The following BCL3 variants were observed in gnomAD, a reference collection of about 807,000 sequenced individuals.
BCL3 encodes BCL3 transcription coactivator, also known as B-cell lymphoma 3 protein.
BCL3 carries 15 observed loss-of-function variants against 35.7 expected under a neutral mutation model. The observed-to-expected ratio is 0.42, with a 90% CI of 0.28 to 0.65. BCL3 has a LOEUF of 0.65. Ranked by LOEUF, BCL3 falls within the 30% of genes least tolerant of loss-of-function variation. The probability of loss-of-function intolerance (pLI) is 0.22; values close to 1 mark genes in which losing one functional copy is unlikely to be tolerated. For synonymous variants in BCL3, 311 were observed against 284.3 expected (o/e 1.09, Z -0.95); for missense variants, 565 against 641.7 (o/e 0.88, Z 1.29).
chr19:44,755,976 A>G (rs1051421009), intron 2 of BCL3, among the ~76,000 whole-genome samples: 1 of 152,212 alleles, frequency 6.6e-6, no homozygotes, highest in Non-Finnish European at 1.5e-5. Flanking sequence ...TGGGGGACAG[A>G]CAGTAGAGCA....
chr19:44,756,227 C>T lies in BCL3; in HGVS notation c.411-5C>T, dbSNP rs770603867. ...CCTGTGATTCCTTCACTCCCCCACC[C>T]CCAGGCCTCTCCATATTGCTGTGGT... On this transcript the variant is annotated splice_region_variant and splice_polypyrimidine_tract_variant and intron_variant, in intron 2 of 8. Coordinates refer to ENST00000164227, the MANE Select transcript of BCL3 (RefSeq NM_005178.5). The T allele has an allele frequency of 6.8e-7, 1 of 1,473,108 alleles. No individual in the cohort carries two copies. Among genetic ancestry groups the T allele is most frequent in the African/African-American group, 1.4e-5 (1 of 69,840 alleles). 91.3% of individuals were successfully genotyped at this position (1,473,108 alleles called of 1,614,324 possible).
At chr19:44,756,920 A>C in intron 3 of BCL3, 97 bp from the exon 4 acceptor site, 7 of 1,143,928 alleles carry the variant, frequency 6.1e-6, no homozygotes, top group Non-Finnish European at 7.4e-6. Context: ...TTCCTGGGGA[A>C]GACTGCAGGA....
chr19:44,753,460 C>A (rs1967219818), intron 2 of BCL3, among the ~76,000 whole-genome samples: 1 of 152,222 alleles, frequency 6.6e-6, no homozygotes, highest in African/African-American at 2.4e-5. Flanking sequence ...GAAATCCCTT[C>A]CCGCAGAACT....
chr19:44,756,527 G>T (rs1361625647), intron 3 of BCL3, among the ~76,000 whole-genome samples, 187 bp downstream of exon 3: 16 of 141,544 alleles, frequency 1.1e-4, no homozygotes, highest in African/African-American at 4.7e-4. Flanking sequence ...CCTGGGATCC[G>T]GGGTCTGATG....
chr19:44,752,204 CT>C (rs914729674), intron 2 of BCL3, among the ~76,000 whole-genome samples: 155 of 138,816 alleles, frequency 1.1e-3, no homozygotes, highest in African/African-American at 2.7e-3. Context: ...TTTTCTTTTT[CT>C]TTTTTTTTTT....
Position 44,759,574 on chromosome 19 carries a change from G to C in BCL3, c.1324G>C (p.Gly442Arg). The C allele has an allele frequency of 6.2e-7, 1 of 1,610,036 alleles. No homozygotes were observed. The highest frequency in any genetic ancestry group is 8.5e-7 in the Non-Finnish European group (1 of 1,179,202). The change falls in exon 9 of 9, where the codon GGC becomes CGC. Residue 442 changes from glycine (G) to arginine (R), a missense_variant. Around this residue, in one of 5 missense-constraint regions of BCL3, gnomAD observed 151 missense variants for 138.1 expected, o/e 1.09. Transcript: ENST00000164227. ...CTTTGCTGGGGTCCTCCGAGGCCCTGGCCGGCCGGTGCCCCCCTCCCCAGC... is the reference window on the plus strand; with the variant it reads ...CTTTGCTGGGGTCCTCCGAGGCCCTCGCCGGCCGGTGCCCCCCTCCCCAGC... ...LPFAGVLRGPGRPVPPSPAPG... is the reference protein window; with the variant it reads ...LPFAGVLRGPRRPVPPSPAPG...
rs1301852162 is a variant in BCL3, at chr19:44,757,753, CACCCTAT to C, written c.891+31_891+37del. On this transcript the variant is annotated intron_variant, in intron 6 of 8. Coordinates refer to ENST00000164227, the MANE Select transcript of BCL3 (RefSeq NM_005178.5). This position sits in a 1 kb window ranked among gnomAD's most constrained non-coding sequence, Gnocchi z 8.4. Reference sequence around the variant, plus strand: ...GTACAGCCCCCCTGAGCCTCGCGCCCACCCTATCCTCTGACCCCAACCCGGCTCTGGC... The same window carrying C: ...GTACAGCCCCCCTGAGCCTCGCGCCCCCTCTGACCCCAACCCGGCTCTGGC... 6.2e-7 allele frequency: 1 copy of C among 1,606,096 alleles called. No homozygotes were observed. The highest frequency in any genetic ancestry group is 1.7e-5 in the Admixed American group (1 of 59,772).
intron 2 of BCL3, among the ~76,000 whole-genome samples, chr19:44,754,607 C>A (rs969155619): frequency 6.6e-6 from 1 of 152,124 alleles, no homozygotes; most frequent in Non-Finnish European, 1.5e-5. Flanking sequence ...CAGGCCTGGA[C>A]GGTTTCTCTG....
In BCL3 at chr19:44,748,945, G is replaced by A. The variant is rs1187065793; in HGVS notation, c.155G>A (p.Gly52Asp). 2.4e-6 allele frequency: 3 copies of A among 1,246,248 alleles called. No homozygotes were observed. Among genetic ancestry groups the A allele is most frequent in the Non-Finnish European group, 3.0e-6 (3 of 991,622 alleles). 77.2% of individuals were successfully genotyped at this position (1,246,248 alleles called of 1,614,324 possible). Residue 52 changes from glycine to aspartate, a missense_variant, in exon 1 of 9, where the codon GGC (glycine) becomes GAC (aspartate). Physicochemically the swap from Gly to Asp is moderately conservative, Grantham distance 94. This residue lies in a region of BCL3 where 267 missense variants were observed against 281.5 expected (regional missense o/e 0.95). Transcript: ENST00000164227. ...CCCGCCGCTCCCCGCGGCGCTGCGG[G>A]CCTTGTCGTCCCCCTGGACCCTCTG... The part of the protein sequence containing the change: ...PEPAAPRGAA[G>D]LVVPLDPLRG...
Position 44,759,710 on chromosome 19 carries a change from C to CG in BCL3, c.*95_*96insG, listed in dbSNP as rs960283504. The CG allele has an allele frequency of 2.4e-5, 12 of 502,142 alleles. No homozygotes were observed. The highest frequency in any genetic ancestry group is 2.2e-4 in the South Asian group (7 of 31,824). 31.1% of individuals were successfully genotyped at this position (502,142 alleles called of 1,614,324 possible). A position where few individuals can be genotyped will look rare whatever the true frequency, so the allele number is the denominator to read the frequency against. Reference sequence around the variant, plus strand: ...GAAACTGTGAAGATCTCACTCTGCCCCCCCCCCCCATCTTCGGGACCAGGA... The same window carrying CG: ...GAAACTGTGAAGATCTCACTCTGCCCGCCCCCCCCCATCTTCGGGACCAGGA... On this transcript the variant is annotated 3_prime_UTR_variant, in exon 9 of 9. Coordinates refer to ENST00000164227, the MANE Select transcript of BCL3 (RefSeq NM_005178.5).
At chr19:44,758,496 G>A (rs1967343896) in intron 7 of BCL3, 83 bp downstream of exon 7, 2 of 1,483,118 alleles carry the variant, frequency 1.3e-6, no homozygotes, top group East Asian at 5.0e-5. Context: ...GAGCGCAGAG[G>A]AGTGAGGGTG....
At chr19:44,749,665 A>AG (rs1217399332) in intron 1 of BCL3, among the ~76,000 whole-genome samples, 3 of 152,116 alleles carry the variant, frequency 2.0e-5, no homozygotes, top group Admixed American at 6.5e-5. Context: ...CCCAGATACC[A>AG]GGGGGTCTTG....
chr19:44,758,656 G>A (rs1430098541), intron 7 of BCL3, 68 bp from the exon 8 acceptor site: 3 of 1,405,990 alleles, frequency 2.1e-6, no homozygotes, highest in Non-Finnish European at 2.9e-6. Flanking sequence ...GATCCAGTGA[G>A]CTAGGAGGGA....
intron 2 of BCL3, among the ~76,000 whole-genome samples, chr19:44,753,100 G>T (rs1216355902): frequency 6.6e-6 from 1 of 152,208 alleles, no homozygotes; most frequent in Admixed American, 6.5e-5. Flanking sequence ...ACAGAACAGG[G>T]CTGGGCAAAC....
At chr19:44,751,136 C>T (rs1967170305) in intron 1 of BCL3, 91 bp from the exon 2 acceptor site, 2 of 1,502,246 alleles carry the variant, frequency 1.3e-6, no homozygotes, top group Non-Finnish European at 8.9e-7. Context: ...GCAGGTGACA[C>T]CACAGGAGCA....
rs369271131 is a variant in BCL3 at position 44,757,234 on chromosome 19, C to T, written c.724+13C>T. On this transcript the variant is annotated intron_variant, in intron 4 of 8. Transcript: ENST00000164227. This position sits in a 1 kb window ranked among gnomAD's most constrained non-coding sequence, Gnocchi z 8.4. Reference sequence around the variant, plus strand: ...CGCAATTATGACGGTAAGCATTTACCGCGGGGCACCGCTGGGCTGTCCAGC... The same window carrying T: ...CGCAATTATGACGGTAAGCATTTACTGCGGGGCACCGCTGGGCTGTCCAGC... 7.9e-5 allele frequency: 122 copies of T among 1,546,292 alleles called. No homozygotes were observed. The African/African-American group carries it at 1.5e-3, about 19-fold the overall frequency.
rs932958438 is a variant in BCL3 at position 44,748,924 on chromosome 19, C to T, written c.134C>T (p.Ala45Val). Residue 45 changes from alanine to valine, a missense_variant, in exon 1 of 9, where the codon GCC becomes GTC. Transcript: ENST00000164227. ...RPLRAPSPEP[A>V]APRGAAGLVV... ...CTGCGCGCGCCCTCCCCGGAGCCCG[C>T]CGCTCCCCGCGGCGCTGCGGGCCTT... is the stretch of plus-strand genomic sequence containing the variant. 7 of 1,180,920 alleles carry T rather than the reference C, an allele frequency of 5.9e-6. No individual in the cohort carries two copies. Among genetic ancestry groups the T allele is most frequent in the Non-Finnish European group, 6.3e-6 (6 of 955,946 alleles). The allele number at this position is 1,180,920 out of a possible 1,614,324, so 73.2% of individuals were successfully genotyped here. A position where few individuals can be genotyped will look rare whatever the true frequency, so the allele number is the denominator to read the frequency against.
In BCL3 at chr19:44,758,752, C is replaced by G. The variant is rs774952569; in HGVS notation, c.1088C>G (p.Thr363Ser). 1.2e-6 allele frequency: 2 copies of G among 1,605,462 alleles called. No individual in the cohort carries two copies. Among genetic ancestry groups the G allele is most frequent in the African/African-American group, 2.7e-5 (2 of 74,686 alleles). The change falls in exon 8 of 9, where the codon ACC becomes AGC. Residue 363 changes from threonine (T) to serine (S), a missense_variant. Thr to Ser is a moderately conservative substitution (Grantham distance 58, BLOSUM62 1). Transcript: ENST00000164227. ...ATCGACATCCTGAGGGGGAAGGCCA[C>G]CCGGCCTGCTTCCACCTCCCAGCCA... ...RVIDILRGKA[T>S]RPASTSQPDP...
At chr19:44,751,804 T>G (rs186363738) in intron 2 of BCL3, among the ~76,000 whole-genome samples, 6 of 152,306 alleles carry the variant, frequency 3.9e-5, no homozygotes, top group Admixed American at 2.6e-4. Flanking sequence ...GGTTTCACCA[T>G]GTTGGCCAGG....
Sources: allele counts gnomAD v4.1 joint callset (sites outside exome capture counted in the v4.1 genomes callset), GRCh38; gene constraint gnomAD v4.1.1; regional missense constraint gnomAD v4.1.1; non-coding constraint Gnocchi (gnomAD v3.1); transcripts MANE v1.5; gene names NCBI Gene and HGNC (gene_info 2026-07-23, HGNC 2026-07-21).